Variants in KCNB2 observed in about 807,000 individuals in gnomAD.
KCNB2 encodes delayed rectifier potassium channel protein.
In KCNB2, 15 loss-of-function variants were observed where a neutral mutation model predicts 61.5. The observed-to-expected ratio is 0.24, with a 90% CI of 0.16 to 0.38. The LOEUF (loss-of-function observed/expected upper bound fraction) is 0.38. KCNB2 is among the 10% of genes least tolerant of loss of function. The probability of loss-of-function intolerance (pLI) is 1.00; values close to 1 mark genes in which losing one functional copy is unlikely to be tolerated. For synonymous variants in KCNB2, 457 were observed against 446.0 expected, an observed-to-expected ratio of 1.02 and a Z score of -0.31; for missense variants, 828 against 1,125.2, an observed-to-expected ratio of 0.74 and a Z score of 3.78.
intron 2 of KCNB2, among the ~76,000 whole-genome samples, chr8:72,839,773 CG>C (rs1157791190): frequency 1.3e-5 from 2 of 151,772 alleles, no homozygotes; most frequent in Admixed American, 6.6e-5. Flanking sequence ...CCACCACGCC[CG>C]GCTAATTTTT....
At chr8:72,605,595 G>A (rs1477793337) in intron 2 of KCNB2, among the ~76,000 whole-genome samples, 1 of 152,148 alleles carries the variant, frequency 6.6e-6, no homozygotes, top group African/African-American at 2.4e-5. Flanking sequence ...AGATGTTACA[G>A]TTATACAGAG....
chr8:72,695,557 AAG>A (rs1353914488), intron 2 of KCNB2, among the ~76,000 whole-genome samples: 1 of 152,222 alleles, frequency 6.6e-6, no homozygotes, highest in Non-Finnish European at 1.5e-5. Flanking sequence ...ATTTAAAAAA[AAG>A]AGAGTCTTCT....
chr8:72,816,059 T>C (rs1450680870), intron 2 of KCNB2, among the ~76,000 whole-genome samples: 1 of 152,186 alleles, frequency 6.6e-6, no homozygotes, highest in Non-Finnish European at 1.5e-5. Context: ...GGACAAATTT[T>C]AGAATACTGT....
intron 2 of KCNB2, among the ~76,000 whole-genome samples, chr8:72,658,417 G>C (rs1339744566): frequency 6.6e-6 from 1 of 152,184 alleles, no homozygotes; most frequent in Non-Finnish European, 1.5e-5. Flanking sequence ...AACTGTTAAA[G>C]CTAGCAGAAA....
intron 2 of KCNB2, among the ~76,000 whole-genome samples, chr8:72,779,226 G>T (rs1808714981): frequency 6.6e-6 from 1 of 152,208 alleles, no homozygotes; most frequent in Non-Finnish European, 1.5e-5. Context: ...CCAAAGGATA[G>T]TGCAGCGTTT....
At chr8:72,839,480 C>G (rs1809839968) in intron 2 of KCNB2, among the ~76,000 whole-genome samples, 1 of 151,986 alleles carries the variant, frequency 6.6e-6, no homozygotes, top group South Asian at 2.1e-4. Flanking sequence ...ACAGCAAAAC[C>G]ACACACAAAA....
intron 2 of KCNB2, among the ~76,000 whole-genome samples, chr8:72,883,219 T>C (rs1394976011): frequency 2.0e-5 from 3 of 152,170 alleles, no homozygotes; most frequent in Non-Finnish European, 2.9e-5. Flanking sequence ...ATTTTAAAAA[T>C]AGGAAAGCCC....
At position 72,640,453 on chromosome 8, in the gene KCNB2, A is replaced by G. The variant is rs1585801128; in HGVS notation, c.579+72140A>G. On this transcript the variant is annotated intron_variant, in intron 2 of 2. Transcript: ENST00000523207. ...CATATTGTGGAAGTGAAGCAACCCA[A>G]ATCCTGTCTTCTCAGACTGAAATCC... is the stretch of plus-strand genomic sequence containing the variant. 2.0e-5 allele frequency among the ~76,000 whole-genome samples: 3 copies of G among 152,206 alleles called. No homozygotes were observed. In the South Asian group the frequency reaches 6.2e-4, roughly 32 times the overall value.
intron 2 of KCNB2, among the ~76,000 whole-genome samples, chr8:72,806,601 T>G (rs756067272): frequency 6.6e-6 from 1 of 150,606 alleles, no homozygotes; most frequent in Non-Finnish European, 1.5e-5. Context: ...GGCGACAGAG[T>G]GAGAATCAGT....
intron 2 of KCNB2, among the ~76,000 whole-genome samples, chr8:72,757,039 T>G (rs1323852279): frequency 6.6e-6 from 1 of 152,130 alleles, no homozygotes. Flanking sequence ...GCATGATACT[T>G]AGAAGCTTGG....
chr8:72,741,117 C>T (rs941447165), intron 2 of KCNB2, among the ~76,000 whole-genome samples: 29 of 152,102 alleles, frequency 1.9e-4, no homozygotes, highest in African/African-American at 7.0e-4. Context: ...TGATTGTAAT[C>T]TGACATTTCA....
At chr8:72,890,339 C>T (rs1805877009) in intron 2 of KCNB2, among the ~76,000 whole-genome samples, 1 of 152,136 alleles carries the variant, frequency 6.6e-6, no homozygotes, top group South Asian at 2.1e-4. Flanking sequence ...GTGGCAGAGG[C>T]GGAGATTGAA....
chr8:72,803,657 C>T (rs188420616), intron 2 of KCNB2, among the ~76,000 whole-genome samples: 1 of 152,302 alleles, frequency 6.6e-6, no homozygotes, highest in African/African-American at 2.4e-5. Flanking sequence ...TTAACACTAC[C>T]TGCAGAAAGT....
intron 2 of KCNB2, among the ~76,000 whole-genome samples, chr8:72,646,972 G>T (rs1435998544): frequency 1.3e-5 from 2 of 152,146 alleles, no homozygotes; most frequent in Admixed American, 6.6e-5. Context: ...ATAAAAAGAG[G>T]TTAAGTAACC....
intron 2 of KCNB2, among the ~76,000 whole-genome samples, chr8:72,758,190 C>A (rs184848540): frequency 6.6e-6 from 1 of 152,216 alleles, no homozygotes; most frequent in South Asian, 2.1e-4. Context: ...AGTTCTGGAA[C>A]GGCCACTGAG....
intron 2 of KCNB2, among the ~76,000 whole-genome samples, chr8:72,749,778 AAATATTATATAT>A (rs1011167795): frequency 1.4e-5 from 2 of 146,380 alleles, no homozygotes; most frequent in African/African-American, 5.0e-5. Context: ...GTATATATAC[AAATATTATATAT>A]AATATATATA....
Position 72,839,682 on chromosome 8 carries a change from G to C in KCNB2, c.580-96253G>C, listed in dbSNP as rs187103481. Among the ~76,000 whole-genome samples, 367 of 135,554 alleles carry C rather than the reference G, an allele frequency of 2.7e-3. 2 individuals carry two copies. Among genetic ancestry groups the C allele is most frequent in the African/African-American group, 9.8e-3 (347 of 35,514 alleles). The allele number at this position is 135,554 out of a possible 152,430, so 88.9% of individuals were successfully genotyped here. ...GGCTGGAGTGCAGTGGCGCGATCTC[G>C]GCTCGCTGCAAGCTCCGCCTCCCGG... On this transcript the variant is annotated intron_variant, in intron 2 of 2. Coordinates refer to ENST00000523207, the MANE Select transcript of KCNB2 (RefSeq NM_004770.3).
intron 2 of KCNB2, among the ~76,000 whole-genome samples, chr8:72,644,944 A>G (rs1295253232): frequency 1.3e-5 from 2 of 152,214 alleles, no homozygotes; most frequent in East Asian, 3.8e-4. Context: ...CCAGTATTCC[A>G]GGAGTCTATG....
Position 72,936,955 on chromosome 8 carries a change from C to T in KCNB2, c.1600C>T (p.His534Tyr), listed in dbSNP as rs1359507871. Residue 534 changes from histidine (H) to tyrosine (Y), a missense_variant, in exon 3 of 3, where the codon CAT becomes TAT. Physicochemically the swap from His to Tyr is moderately conservative, Grantham distance 83 (BLOSUM62 2). Transcript: ENST00000523207. This position sits in a 1 kb window ranked among gnomAD's most constrained non-coding sequence, Gnocchi z 5.6. Reference sequence around the variant, plus strand: ...CAACACGTCTTCCTCCAGCCCACAGCATCTGAGTGCCCAGAAACTGGAGAT... The same window carrying T: ...CAACACGTCTTCCTCCAGCCCACAGTATCTGAGTGCCCAGAAACTGGAGAT... ...LNNTSSSSPQ[H>Y]LSAQKLEMLY... is the part of the protein sequence containing the mutation. The T allele has an allele frequency of 1.2e-6, 2 of 1,614,196 alleles. No homozygotes were observed. The highest frequency in any genetic ancestry group is 1.7e-6 in the Non-Finnish European group (2 of 1,180,028).
Sources: gnomAD v4.1 joint callset for allele counts (sites outside exome capture counted in the v4.1 genomes callset) on GRCh38, gnomAD v4.1.1 for gene constraint, Gnocchi (gnomAD v3.1) non-coding constraint, MANE v1.5 for transcripts, NCBI Gene and HGNC (gene_info 2026-07-23, HGNC 2026-07-21) for gene names.